The following STX1A variants were observed in gnomAD, a reference collection of about 807,000 sequenced individuals.
STX1A encodes syntaxin 1A, also known as syntaxin-1A.
STX1A carries 4 observed loss-of-function variants against 37.8 expected under a neutral mutation model. The observed-to-expected ratio is 0.11, with a 90% confidence interval of 0.05 to 0.24. The LOEUF (loss-of-function observed/expected upper bound fraction) is 0.24, where lower values mean the gene tolerates loss of function less well. Ranked by LOEUF, STX1A falls within the 10% of genes least tolerant of loss-of-function variation. The pLI is 1.00. For synonymous variants in STX1A, 135 were observed against 147.4 expected, an observed-to-expected ratio of 0.92 and a Z score of 0.61; for missense variants, 251 against 399.9, an observed-to-expected ratio of 0.63 and a Z score of 3.18.
Position 73,702,129 on chromosome 7 carries a change from G to T in STX1A, c.678+716C>A, listed in dbSNP as rs1554615981. Among the ~76,000 whole-genome samples, 1 of 152,108 alleles carries T rather than the reference G, an allele frequency of 6.6e-6. No individual in the cohort carries two copies. The highest frequency in any genetic ancestry group is 2.4e-5 in the African/African-American group (1 of 41,418). On this transcript the variant is annotated intron_variant, in intron 8 of 9. Transcript: ENST00000222812. This position sits in a 1 kb window ranked among gnomAD's most constrained non-coding sequence, Gnocchi z 4.7. ...TTGCTGGGCTTGGGACCTTAGTGTT[G>T]CTGGGGCCAGCTCTTCATCTCCGCT...
At position 73,709,492 on chromosome 7, in the gene STX1A, C is replaced by T. The variant is rs1406911635; in HGVS notation, c.31-370G>A. Among the ~76,000 whole-genome samples the T allele has an allele frequency of 6.6e-6, 1 of 152,088 alleles. No individual in the cohort carries two copies. The highest frequency in any genetic ancestry group is 1.9e-4 in the East Asian group (1 of 5,186). On this transcript the variant is annotated intron_variant, in intron 1 of 9. Transcript: ENST00000222812. The surrounding 1 kb of genome is among the most constrained non-coding windows in gnomAD (Gnocchi z 4.2). ...GTCCCCTAGGCCCCTAGGACAGCTG[C>T]CTGGAAAGTGCATTCTCTACTCTCC...
intron 1 of STX1A, among the ~76,000 whole-genome samples, chr7:73,716,251 T>C (rs1336149189): frequency 6.6e-6 from 1 of 152,254 alleles, no homozygotes; most frequent in African/African-American, 2.4e-5. Flanking sequence ...CTCTCGTGCC[T>C]GCCACTCTGC....
At chr7:73,710,802 C>T (rs946692350) in intron 1 of STX1A, among the ~76,000 whole-genome samples, 1 of 152,190 alleles carries the variant, frequency 6.6e-6, no homozygotes, top group Non-Finnish European at 1.5e-5. Flanking sequence ...TCGGTGCTCT[C>T]GCGTCAGGAC....
chr7:73,701,731 G>A (rs1554615935), intron 8 of STX1A, among the ~76,000 whole-genome samples: 1 of 152,084 alleles, frequency 6.6e-6, no homozygotes, highest in Non-Finnish European at 1.5e-5. Flanking sequence ...CCAGATGGCG[G>A]CAGCGGCAGC....
intron 3 of STX1A, among the ~76,000 whole-genome samples, chr7:73,707,994 G>A (rs555495110): frequency 5.3e-5 from 8 of 151,556 alleles, no homozygotes; most frequent in South Asian, 2.1e-4. Flanking sequence ...GGCTGGGCGC[G>A]GTGGCTCATG....
chr7:73,715,286 G>C (rs376475070), intron 1 of STX1A, among the ~76,000 whole-genome samples: 1 of 151,852 alleles, frequency 6.6e-6, no homozygotes, highest in Non-Finnish European at 1.5e-5. Context: ...GCCGGGCATG[G>C]TGATGCACAC....
At chr7:73,701,043 T>G in intron 8 of STX1A, 1 of 976,460 alleles carries the variant, frequency 1.0e-6, no homozygotes, top group Non-Finnish European at 1.5e-6. Flanking sequence ...GCTCCCACAT[T>G]TCCCCGCAGA....
chr7:73,709,188 C>T lies in STX1A; in HGVS notation c.31-66G>A, dbSNP rs1447749432. On this transcript the variant is annotated intron_variant, in intron 1 of 9. Transcript: ENST00000222812. The surrounding 1 kb of genome is among the most constrained non-coding windows in gnomAD (Gnocchi z 4.2). ...GACCCACCTGTACACACGCAGGTGC[C>T]CAGGGTACAGCGCCAGGGCCCTGCC... 1 of 1,538,716 alleles carries T rather than the reference C, an allele frequency of 6.5e-7. No homozygotes were observed. The highest frequency in any genetic ancestry group is 8.9e-7 in the Non-Finnish European group (1 of 1,123,430).
rs1799028391 is a variant in STX1A at position 73,709,748 on chromosome 7, C to G, written c.31-626G>C. 6.6e-6 allele frequency among the ~76,000 whole-genome samples: 1 copy of G among 152,124 alleles called. No homozygotes were observed. On this transcript the variant is annotated intron_variant, in intron 1 of 9. Transcript: ENST00000222812. This position sits in a 1 kb window ranked among gnomAD's most constrained non-coding sequence, Gnocchi z 4.2. ...TTAATTCAGGTGGAGCCCAGAGGTC[C>G]CAAGCTCCCTTTCCAGAGTGGGCCC... is the stretch of plus-strand genomic sequence containing the variant.
chr7:73,704,175 C>A lies in STX1A; in HGVS notation c.439G>T (p.Gly147Cys). The A allele has an allele frequency of 6.2e-7, 1 of 1,612,622 alleles. No homozygotes were observed. Among genetic ancestry groups the A allele is most frequent in the Non-Finnish European group, 8.5e-7 (1 of 1,179,990 alleles). ...ATCTCCAGCTGCCTCTGGATGCGGCCTTTGCAGCGCTCGCGGTAGTCGGAC... is the reference window on the plus strand; with the variant it reads ...ATCTCCAGCTGCCTCTGGATGCGGCATTTGCAGCGCTCGCGGTAGTCGGAC... ...TQSDYRERCK[G>C]RIQRQLEITG... The change falls in exon 6 of 10, where the codon GGC (glycine) becomes TGC (cysteine). Residue 147 changes from glycine to cysteine, a missense_variant. Transcript: ENST00000222812.
rs1554616014 is a variant in STX1A at position 73,702,331 on chromosome 7, T to G, written c.678+514A>C. ...GGTGGTGGCACCACCTTTGAGCTTG[T>G]CAGAGAGGCACCTTCCTGGACCTTC... On this transcript the variant is annotated intron_variant, in intron 8 of 9. Coordinates refer to ENST00000222812, the MANE Select transcript of STX1A (RefSeq NM_004603.4). This position sits in a 1 kb window ranked among gnomAD's most constrained non-coding sequence, Gnocchi z 4.7. Among the ~76,000 whole-genome samples, 1 of 152,148 alleles carries G rather than the reference T, an allele frequency of 6.6e-6. No homozygotes were observed. The highest frequency in any genetic ancestry group is 1.5e-5 in the Non-Finnish European group (1 of 68,018).
Position 73,705,902 on chromosome 7 carries a change from CAT to C in STX1A, c.209-680_209-679del, listed in dbSNP as rs1165918801. The stretch of plus-strand genomic sequence containing the variant: ...TGGTGAAATTGGACGAGGGTGGTGA[CAT>C]AGTGTTTTGTGGCCCTTGTTCCAAC... On this transcript the variant is annotated intron_variant, in intron 3 of 9. Coordinates refer to ENST00000222812, the MANE Select transcript of STX1A (RefSeq NM_004603.4). The surrounding 1 kb of genome is among the most constrained non-coding windows in gnomAD (Gnocchi z 5.2). 3 of 152,918 alleles carry C rather than the reference CAT, an allele frequency of 2.0e-5. No homozygotes were observed. The highest frequency in any genetic ancestry group is 7.2e-5 in the African/African-American group (3 of 41,530). The allele number at this position is 152,918 out of a possible 1,614,324, so 9.5% of individuals were successfully genotyped here.
Position 73,706,287 on chromosome 7 carries a change from C to G in STX1A, c.209-1063G>C, listed in dbSNP as rs991345733. ...GGGGGTTCCGAGGCGCGGAGGAGGG[C>G]GCCTCATCCGTAGGAACAAAGGAAA... On this transcript the variant is annotated intron_variant, in intron 3 of 9. Coordinates refer to ENST00000222812, the MANE Select transcript of STX1A (RefSeq NM_004603.4). The surrounding 1 kb of genome is among the most constrained non-coding windows in gnomAD (Gnocchi z 4.6). 3.9e-5 allele frequency among the ~76,000 whole-genome samples: 6 copies of G among 152,102 alleles called. No individual in the cohort carries two copies. The highest frequency in any genetic ancestry group is 8.8e-5 in the Non-Finnish European group (6 of 68,012).
At chr7:73,704,729 C>T (rs1198924036) in intron 4 of STX1A, 16 of 528,320 alleles carry the variant, frequency 3.0e-5, no homozygotes, top group South Asian at 1.9e-4. Context: ...AGGCTGTGTA[C>T]GAGGGACCAT....
rs532830292 is a variant in STX1A at position 73,714,359 on chromosome 7, C to T, written c.31-5237G>A. ...CTGACCTCAGGTGATCCACCCGCCT[C>T]GGTCTCCCAAAGTGCTAGGATTACA... On this transcript the variant is annotated intron_variant, in intron 1 of 9. Coordinates refer to ENST00000222812, the MANE Select transcript of STX1A (RefSeq NM_004603.4). 1.5e-3 allele frequency among the ~76,000 whole-genome samples: 231 copies of T among 152,196 alleles called. 1 individual carries two copies. The highest frequency in any genetic ancestry group is 5.2e-3 in the African/African-American group (215 of 41,530).
intron 8 of STX1A, chr7:73,701,186 G>C: frequency 1.8e-6 from 1 of 560,586 alleles, no homozygotes; most frequent in South Asian, 2.4e-5. Flanking sequence ...CTGGAGTCTG[G>C]TCCTGCCCTG....
In STX1A at chr7:73,717,483, C is replaced by T. The variant is rs1799329297; in HGVS notation, c.30+2119G>A. 6.6e-6 allele frequency among the ~76,000 whole-genome samples: 1 copy of T among 152,172 alleles called. No homozygotes were observed. The highest frequency in any genetic ancestry group is 1.5e-5 in the Non-Finnish European group (1 of 68,012). Reference sequence around the variant, plus strand: ...AAACTGAATTCTAGGCTTTCCCATCCCCACTTCACAGATGGGAACCCTAGG... The same window carrying T: ...AAACTGAATTCTAGGCTTTCCCATCTCCACTTCACAGATGGGAACCCTAGG... On this transcript the variant is annotated intron_variant, in intron 1 of 9. Coordinates refer to ENST00000222812, the MANE Select transcript of STX1A (RefSeq NM_004603.4). This position sits in a 1 kb window ranked among gnomAD's most constrained non-coding sequence, Gnocchi z 4.1.
rs1419441943 is a variant in STX1A, at chr7:73,699,981, G to T, written c.*426C>A. ...GAAAAGCAGCACCATGTGGCCAGCT[G>T]GTCCCCACCCCTCAGGGCTCTGCTT... is the stretch of plus-strand genomic sequence containing the variant. On this transcript the variant is annotated 3_prime_UTR_variant, in exon 10 of 10. Coordinates refer to ENST00000222812, the MANE Select transcript of STX1A (RefSeq NM_004603.4). 7 of 227,840 alleles carry T rather than the reference G, an allele frequency of 3.1e-5. No homozygotes were observed. Among genetic ancestry groups the T allele is most frequent in the African/African-American group, 1.6e-4 (7 of 44,344 alleles). 14.1% of individuals were successfully genotyped at this position (227,840 alleles called of 1,614,324 possible). A position where few individuals can be genotyped will look rare whatever the true frequency, so the allele number is the denominator to read the frequency against.
At chr7:73,707,417 A>C (rs1457825661) in intron 3 of STX1A, among the ~76,000 whole-genome samples, 1 of 152,074 alleles carries the variant, frequency 6.6e-6, no homozygotes, top group Non-Finnish European at 1.5e-5. Context: ...CTCCTTCCGG[A>C]AGCTCTGCCT....
Sources: allele counts gnomAD v4.1 joint callset (sites outside exome capture counted in the v4.1 genomes callset), GRCh38; gene constraint gnomAD v4.1.1; non-coding constraint Gnocchi (gnomAD v3.1); transcripts MANE v1.5; gene names NCBI Gene and HGNC (gene_info 2026-07-23, HGNC 2026-07-21).